Variants in GPHN observed in about 807,000 individuals in gnomAD.
GPHN encodes gephyrin.
Under a neutral mutation model 95.5 loss-of-function variants are expected in GPHN, and 17 were observed. The observed-to-expected ratio is 0.18, with a 90% CI of 0.12 to 0.27. The LOEUF (loss-of-function observed/expected upper bound fraction) is 0.27, where lower values mean the gene tolerates loss of function less well. Ranked by LOEUF, GPHN falls within the 10% of genes least tolerant of loss-of-function variation. The probability of loss-of-function intolerance (pLI) is 1.00; values close to 1 mark genes in which losing one functional copy is unlikely to be tolerated. For missense variants in GPHN, 660 were observed against 978.1 expected (o/e 0.67, Z 4.34); for synonymous variants, 320 against 322.5 (o/e 0.99, Z 0.08).
At chr14:67,557,460 A>T in the GPHN span, 1 of 1,590,274 alleles carries the variant, frequency 6.3e-7, no homozygotes, top group East Asian at 2.2e-5. Flanking sequence ...CCTCTTCGAC[A>T]TCTGTACTGC....
the GPHN span, among the ~76,000 whole-genome samples, chr14:67,420,393 A>AAGGGAC: frequency 6.6e-6 from 1 of 152,224 alleles, no homozygotes; most frequent in Non-Finnish European, 1.5e-5. Context: ...GCTGTGAACG[A>AAGGGAC]AGGGACGTGT....
Position 66,594,982 on chromosome 14 carries a change from G to A in GPHN, c.65-86125G>A, listed in dbSNP as rs573873368. ...AGAAAACAATCTGATATAAAAACAT[G>A]CAAAGGACCTATATAAACATTTTTG... On this transcript the variant is annotated intron_variant, in intron 1 of 22. Coordinates refer to ENST00000478722, the MANE Select transcript of GPHN (RefSeq NM_020806.5). Among the ~76,000 whole-genome samples, 16 of 152,218 alleles carry A rather than the reference G, an allele frequency of 1.1e-4. No individual in the cohort carries two copies. In the South Asian group the frequency reaches 3.3e-3, roughly 32 times the overall value.
chr14:67,473,186 G>C, the GPHN span: 1 of 568,376 alleles, frequency 1.8e-6, no homozygotes, highest in Non-Finnish European at 3.1e-6. This position sits in a 1 kb window ranked among gnomAD's most constrained non-coding sequence, Gnocchi z 6.5. Flanking sequence ...ACTGGGCCGC[G>C]ATCCATGGAC....
At chr14:66,644,121 T>C (rs2064600529) in intron 1 of GPHN, among the ~76,000 whole-genome samples, 2 of 152,034 alleles carry the variant, frequency 1.3e-5, no homozygotes, top group South Asian at 4.1e-4. Context: ...TGTCCTTTGT[T>C]GACATTTGGA....
chr14:67,082,574 A>G (rs1474563163), intron 11 of GPHN, among the ~76,000 whole-genome samples: 2 of 152,118 alleles, frequency 1.3e-5, no homozygotes, highest in Non-Finnish European at 2.9e-5. Flanking sequence ...TGACTCCTCC[A>G]ACTTTGTTCT....
At chr14:66,762,471 GA>G (rs773504073) in intron 2 of GPHN, among the ~76,000 whole-genome samples, 1 of 151,110 alleles carries the variant, frequency 6.6e-6, no homozygotes, top group East Asian at 1.9e-4. Context: ...TGTAAAATCT[GA>G]AGAACAATCT....
chr14:67,510,558 TA>T, the GPHN span, among the ~76,000 whole-genome samples: 1 of 152,104 alleles, frequency 6.6e-6, no homozygotes, highest in Non-Finnish European at 1.5e-5. Flanking sequence ...TATGCCAAAC[TA>T]AAAGAAAAAG....
chr14:67,678,135 G>C, the GPHN span: 2 of 535,494 alleles, frequency 3.7e-6, no homozygotes, highest in East Asian at 6.4e-5. Context: ...AGTAAATCTG[G>C]ACATGACAGA....
rs138086176 is a variant in GPHN, at chr14:66,647,308, ATAAAAT to A, written c.65-33797_65-33792del. On this transcript the variant is annotated intron_variant, in intron 1 of 22. Coordinates refer to ENST00000478722, the MANE Select transcript of GPHN (RefSeq NM_020806.5). The stretch of plus-strand genomic sequence containing the variant: ...TTTAAAGTCATCTAGTGTGCTTAAG[ATAAAAT>A]TTAAAATCCTTTTAAAAAAGATTTA... 6.4e-3 allele frequency among the ~76,000 whole-genome samples: 968 copies of A among 150,858 alleles called. 15 individuals carry two copies. Among genetic ancestry groups the A allele is most frequent in the African/African-American group, 0.022 (922 of 40,996 alleles).
At chr14:66,865,479 C>T (rs1340115626) in intron 4 of GPHN, among the ~76,000 whole-genome samples, 1 of 151,408 alleles carries the variant, frequency 6.6e-6, no homozygotes, top group Non-Finnish European at 1.5e-5. Context: ...TGTGTTAATA[C>T]AAAAAAAATT....
chr14:67,021,921 G>A (rs1233041565), intron 9 of GPHN, among the ~76,000 whole-genome samples: 2 of 152,034 alleles, frequency 1.3e-5, no homozygotes, highest in African/African-American at 4.8e-5. Flanking sequence ...AGACTTTCTT[G>A]ACTTCCATTT....
the GPHN span, among the ~76,000 whole-genome samples, chr14:67,219,467 T>C: frequency 1.3e-5 from 2 of 152,212 alleles, no homozygotes; most frequent in African/African-American, 4.8e-5. Flanking sequence ...GCTTTGGTCC[T>C]TTCTTGTGGG....
chr14:67,649,517 T>TATTTC, the GPHN span: 1 of 152,254 alleles, frequency 6.6e-6, no homozygotes, highest in South Asian at 2.1e-4. Context: ...GTCATGTATA[T>TATTTC]ATTTCTAATA....
intron 4 of GPHN, among the ~76,000 whole-genome samples, chr14:66,870,306 A>G (rs950510421): frequency 6.6e-6 from 1 of 152,168 alleles, no homozygotes; most frequent in Non-Finnish European, 1.5e-5. Context: ...TGGCATCACC[A>G]TGATATATTT....
chr14:67,180,430 C>T (rs1450375820), intron 22 of GPHN, among the ~76,000 whole-genome samples: 2 of 152,110 alleles, frequency 1.3e-5, no homozygotes, highest in Non-Finnish European at 2.9e-5. Flanking sequence ...AGTACTTTGG[C>T]ACTCAGTAAA....
At chr14:67,233,438 T>G in the GPHN span, among the ~76,000 whole-genome samples, 2 of 152,232 alleles carry the variant, frequency 1.3e-5, no homozygotes, top group Admixed American at 1.3e-4. Flanking sequence ...TACCAATACC[T>G]ATTCCAATTC....
intron 4 of GPHN, among the ~76,000 whole-genome samples, chr14:66,828,047 CATAA>C (rs1318658133): frequency 2.6e-5 from 4 of 151,768 alleles, no homozygotes; most frequent in Non-Finnish European, 5.9e-5. Flanking sequence ...TTAAAATATA[CATAA>C]ATATGTCTTC....
At chr14:67,421,533 T>C in the GPHN span, among the ~76,000 whole-genome samples, 1 of 151,938 alleles carries the variant, frequency 6.6e-6, no homozygotes, top group African/African-American at 2.4e-5. Context: ...ATCTCCTCAA[T>C]GGACAAAAAG....
At chr14:66,710,816 T>C (rs1476794116) in intron 2 of GPHN, among the ~76,000 whole-genome samples, 1 of 152,190 alleles carries the variant, frequency 6.6e-6, no homozygotes, top group African/African-American at 2.4e-5. Context: ...TAATTCAAGA[T>C]GCTACCTACT....
Sources: allele counts gnomAD v4.1 joint callset (sites outside exome capture counted in the v4.1 genomes callset), GRCh38; gene constraint gnomAD v4.1.1; non-coding constraint Gnocchi (gnomAD v3.1); transcripts MANE v1.5; gene names NCBI Gene and HGNC (gene_info 2026-07-23, HGNC 2026-07-21).